Variants in CCNY observed in about 807,000 individuals in gnomAD.
The protein encoded by CCNY is cyclin-Y.
CCNY carries 19 observed loss-of-function variants against 42.8 expected under a neutral mutation model. The observed-to-expected ratio is 0.44, with a 90% CI of 0.31 to 0.65. CCNY has a LOEUF of 0.65. Ranked by LOEUF, CCNY falls within the 30% of genes least tolerant of loss-of-function variation. CCNY has a pLI of 0.07. For synonymous variants in CCNY, 165 were observed against 162.7 expected, an observed-to-expected ratio of 1.01 and a Z score of -0.11; for missense variants, 370 against 437.3, an observed-to-expected ratio of 0.85 and a Z score of 1.37.
intron 1 of CCNY, among the ~76,000 whole-genome samples, chr10:35,350,201 G>C (rs1836397543): frequency 1.3e-5 from 2 of 152,178 alleles, no homozygotes; most frequent in Admixed American, 1.3e-4. Flanking sequence ...TGTGCACTTG[G>C]AAGTTGTGTA....
At chr10:35,547,450 T>G (rs907556176) in intron 7 of CCNY, among the ~76,000 whole-genome samples, 2 of 152,116 alleles carry the variant, frequency 1.3e-5, no homozygotes, top group East Asian at 3.9e-4. Flanking sequence ...TGGGCCTTAT[T>G]TGAAGGTCTC....
chr10:35,442,327 A>G (rs1481182666), intron 1 of CCNY, among the ~76,000 whole-genome samples: 4 of 152,232 alleles, frequency 2.6e-5, no homozygotes, highest in African/African-American at 7.2e-5. Flanking sequence ...AGCAGAAGCA[A>G]TGTGAGTCAT....
intron 8 of CCNY, among the ~76,000 whole-genome samples, chr10:35,559,897 G>A (rs757619318): frequency 1.3e-5 from 2 of 152,330 alleles, no homozygotes; most frequent in East Asian, 1.9e-4. Context: ...GGGTGATGGC[G>A]CATCAGCAGA....
At chr10:35,254,117 T>C (rs1397098410) in intron 3 of CCNY, among the ~76,000 whole-genome samples, 1 of 152,120 alleles carries the variant, frequency 6.6e-6, no homozygotes. Context: ...AACCTTGTGA[T>C]CCGCCGGCCT....
At chr10:35,284,840 T>C (rs1589016587) in intron 3 of CCNY, among the ~76,000 whole-genome samples, 1 of 152,176 alleles carries the variant, frequency 6.6e-6, no homozygotes, top group Non-Finnish European at 1.5e-5. Flanking sequence ...TCAAAATAAT[T>C]TGTAATTTCC....
chr10:35,541,042 C>T (rs1444215969), intron 7 of CCNY, among the ~76,000 whole-genome samples: 6 of 151,926 alleles, frequency 3.9e-5, no homozygotes, highest in African/African-American at 9.7e-5. Context: ...TTACTTCCTT[C>T]CTTCTACTTA....
chr10:35,337,185 C>G lies in CCNY; in HGVS notation c.132C>G (p.Ile44Met). The stretch of plus-strand genomic sequence containing the variant: ...ACACGGGCTGCAACCTGCAGCACAT[C>G]AGCGACCGGGAGAACATAGACGGTG... ...REDTGCNLQH[I>M]SDRENIDDLN... Residue 44 changes from isoleucine (I) to methionine (M), a missense_variant, in exon 1 of 10, where the codon ATC becomes ATG. By Grantham distance (10) the Ile-to-Met change is conservative. Coordinates refer to ENST00000374704, the MANE Select transcript of CCNY (RefSeq NM_145012.6). 6.4e-7 allele frequency: 1 copy of G among 1,565,386 alleles called. No homozygotes were observed. Among genetic ancestry groups the G allele is most frequent in the Non-Finnish European group, 8.6e-7 (1 of 1,157,384 alleles).
At chr10:35,467,402 A>C (rs941789375) in intron 1 of CCNY, among the ~76,000 whole-genome samples, 58 of 152,326 alleles carry the variant, frequency 3.8e-4, no homozygotes, top group African/African-American at 1.3e-3. Context: ...GGTGTGGAAA[A>C]ATAGCAGCCA....
At chr10:35,296,534 T>C (rs1233287908) in intron 3 of CCNY, among the ~76,000 whole-genome samples, 1 of 151,842 alleles carries the variant, frequency 6.6e-6, no homozygotes, top group Middle Eastern at 3.2e-3. Flanking sequence ...TGAGCCAAGA[T>C]CACGTCACAG....
chr10:35,250,799 T>C (rs1225895164), intron 3 of CCNY, among the ~76,000 whole-genome samples: 1 of 152,214 alleles, frequency 6.6e-6, no homozygotes, highest in African/African-American at 2.4e-5. Context: ...AAAATACATC[T>C]GGGAAGATTC....
chr10:35,432,106 G>A (rs955644096), intron 1 of CCNY, among the ~76,000 whole-genome samples: 11 of 152,264 alleles, frequency 7.2e-5, no homozygotes, highest in South Asian at 2.1e-4. Context: ...TTCATGTGGC[G>A]TATTTTTATT....
At chr10:35,477,486 C>T (rs866779901) in intron 1 of CCNY, among the ~76,000 whole-genome samples, 9 of 151,298 alleles carry the variant, frequency 5.9e-5, no homozygotes, top group South Asian at 2.1e-4. Flanking sequence ...GTTCAATATA[C>T]GCAAATCAAT....
intron 1 of CCNY, among the ~76,000 whole-genome samples, chr10:35,367,924 C>T (rs1564384708): frequency 6.6e-6 from 1 of 152,236 alleles, no homozygotes; most frequent in Non-Finnish European, 1.5e-5. Context: ...CCCTCTCCCA[C>T]ACCTCTTTAA....
intron 1 of CCNY, among the ~76,000 whole-genome samples, chr10:35,365,333 T>G (rs1836786616): frequency 6.6e-6 from 1 of 152,206 alleles, no homozygotes; most frequent in Non-Finnish European, 1.5e-5. Flanking sequence ...TTTGTGTCTT[T>G]AAAAAAGTGG....
intron 1 of CCNY, among the ~76,000 whole-genome samples, chr10:35,379,014 T>C (rs913280356): frequency 6.6e-6 from 1 of 152,080 alleles, no homozygotes; most frequent in Non-Finnish European, 1.5e-5. Flanking sequence ...TGGATGAAGG[T>C]TGAAAGGAGT....
intron 1 of CCNY, among the ~76,000 whole-genome samples, chr10:35,458,730 C>G (rs139231558): frequency 6.6e-6 from 1 of 152,154 alleles, no homozygotes; most frequent in East Asian, 1.9e-4. Flanking sequence ...GAGCCAAGCC[C>G]GTCCTGAATT....
chr10:35,467,788 G>A (rs951929758), intron 1 of CCNY, among the ~76,000 whole-genome samples: 2 of 152,188 alleles, frequency 1.3e-5, no homozygotes, highest in African/African-American at 4.8e-5. Context: ...TTGGCAGATA[G>A]CCTTTATCAG....
intron 1 of CCNY, among the ~76,000 whole-genome samples, chr10:35,365,290 T>C (rs2135163598): frequency 6.6e-6 from 1 of 152,376 alleles, no homozygotes; most frequent in Middle Eastern, 3.4e-3. Flanking sequence ...GATGTATTTA[T>C]ATTTAACTTG....
At chr10:35,422,130 C>T (rs1362256503) in intron 1 of CCNY, among the ~76,000 whole-genome samples, 2 of 152,106 alleles carry the variant, frequency 1.3e-5, no homozygotes, top group Non-Finnish European at 2.9e-5. Flanking sequence ...ATTTTTGACT[C>T]ATTTTTCCAT....
Sources: allele counts gnomAD v4.1 joint callset (sites outside exome capture counted in the v4.1 genomes callset), GRCh38; gene constraint gnomAD v4.1.1; transcripts MANE v1.5; gene names NCBI Gene and HGNC (gene_info 2026-07-23, HGNC 2026-07-21).